Variants in MCC observed in about 807,000 individuals in gnomAD.
The protein encoded by MCC is colorectal mutant cancer protein.
MCC carries 90 observed loss-of-function variants against 116.2 expected under a neutral mutation model. The observed-to-expected ratio is 0.77, with a 90% confidence interval of 0.65 to 0.92. MCC has a LOEUF of 0.92. MCC is among the 40% of genes least tolerant of loss of function. MCC has a pLI of 0.00. For synonymous variants in MCC, 578 were observed against 510.5 expected, an observed-to-expected ratio of 1.13 and a Z score of -1.78; for missense variants, 1,516 against 1,312.2, an observed-to-expected ratio of 1.16 and a Z score of -2.40.
At chr5:113,481,410 AAATT>A (rs1202112891) in intron 1 of MCC, among the ~76,000 whole-genome samples, 1 of 152,208 alleles carries the variant, frequency 6.6e-6, no homozygotes, top group Non-Finnish European at 1.5e-5. Context: ...AACAATAATT[AAATT>A]AATTAAATAA....
At chr5:113,048,950 C>T (rs755955171) in intron 16 of MCC, 143 bp downstream of exon 16, 38 of 736,932 alleles carry the variant, frequency 5.2e-5, no homozygotes, top group South Asian at 2.2e-4. Context: ...ATGTCACCTT[C>T]TTAGATACCT....
chr5:113,075,073 C>T (rs181950063), intron 11 of MCC, among the ~76,000 whole-genome samples: 143 of 152,338 alleles, frequency 9.4e-4, no homozygotes, highest in African/African-American at 3.3e-3. Flanking sequence ...GTGCGTGGCA[C>T]TCGTGGGCCA....
chr5:113,211,594 C>T (rs1198810367), intron 3 of MCC, among the ~76,000 whole-genome samples: 1 of 152,196 alleles, frequency 6.6e-6, no homozygotes, highest in African/African-American at 2.4e-5. Context: ...ATGTAAGGTA[C>T]TGTCAGCATA....
intron 3 of MCC, among the ~76,000 whole-genome samples, chr5:113,319,812 C>T (rs977184272): frequency 1.3e-5 from 2 of 152,170 alleles, no homozygotes; most frequent in Non-Finnish European, 2.9e-5. Flanking sequence ...TATCATTGTA[C>T]AAGCCACAGC....
At chr5:113,383,378 G>A (rs936763122) in intron 2 of MCC, among the ~76,000 whole-genome samples, 1 of 152,158 alleles carries the variant, frequency 6.6e-6, no homozygotes, top group Admixed American at 6.5e-5. Context: ...AATATTTACT[G>A]AGTGTCTATT....
intron 3 of MCC, among the ~76,000 whole-genome samples, chr5:113,251,758 C>T (rs665034): frequency 0.062 from 9,375 of 152,206 alleles, 358 homozygotes; most frequent in Middle Eastern, 0.11. Flanking sequence ...CCCAAACATG[C>T]CTATGGGCTG....
chr5:113,153,735 C>T (rs1760016785), intron 3 of MCC, among the ~76,000 whole-genome samples: 1 of 152,252 alleles, frequency 6.6e-6, no homozygotes, highest in South Asian at 2.1e-4. Flanking sequence ...TAAGAAACAT[C>T]TGGACTTGAT....
intron 3 of MCC, among the ~76,000 whole-genome samples, chr5:113,170,879 C>G (rs973449404): frequency 3.9e-5 from 6 of 152,044 alleles, no homozygotes; most frequent in African/African-American, 1.2e-4. Flanking sequence ...CAAATATTGC[C>G]AGATGGCTGG....
At chr5:113,093,488 T>A (rs1755788911) in intron 8 of MCC, among the ~76,000 whole-genome samples, 1 of 151,908 alleles carries the variant, frequency 6.6e-6, no homozygotes. Flanking sequence ...TCTCTCTCTC[T>A]CTCAATCAAT....
At chr5:113,269,971 C>T (rs566302747) in intron 3 of MCC, among the ~76,000 whole-genome samples, 33 of 152,106 alleles carry the variant, frequency 2.2e-4, no homozygotes, top group Non-Finnish European at 3.8e-4. Context: ...ATACAAGAAG[C>T]TTAACTGTAA....
chr5:113,294,549 C>A, intron 3 of MCC: 1 of 1,398,048 alleles, frequency 7.2e-7, no homozygotes. Context: ...GATGCAGGCA[C>A]TCTTAAAAAG....
At chr5:113,249,056 C>G (rs1342607611) in intron 3 of MCC, among the ~76,000 whole-genome samples, 3 of 152,004 alleles carry the variant, frequency 2.0e-5, no homozygotes, top group Non-Finnish European at 4.4e-5. Context: ...GTTGGTCAGG[C>G]TGGTCTCGAA....
chr5:113,309,398 T>C (rs551602547), intron 3 of MCC, among the ~76,000 whole-genome samples: 1 of 152,140 alleles, frequency 6.6e-6, no homozygotes, highest in Admixed American at 6.5e-5. Context: ...TGCATACCCA[T>C]GCATGCAGCA....
At chr5:113,381,892 G>A (rs1356464835) in intron 2 of MCC, among the ~76,000 whole-genome samples, 1 of 152,182 alleles carries the variant, frequency 6.6e-6, no homozygotes, top group African/African-American at 2.4e-5. Context: ...CTGAGAAAGG[G>A]AAGCTAAAAT....
chr5:113,035,713 A>T (rs1212145290), intron 17 of MCC, among the ~76,000 whole-genome samples: 1 of 152,166 alleles, frequency 6.6e-6, no homozygotes, highest in Non-Finnish European at 1.5e-5. Flanking sequence ...AGAGAGGCCT[A>T]GACTGACCAC....
At chr5:113,056,392 A>G (rs1262262650) in intron 14 of MCC, among the ~76,000 whole-genome samples, 1 of 152,252 alleles carries the variant, frequency 6.6e-6, no homozygotes, top group African/African-American at 2.4e-5. Context: ...CTATGTAGCC[A>G]TAAAAAAAGA....
At chr5:113,373,045 G>A (rs1246166770) in intron 2 of MCC, among the ~76,000 whole-genome samples, 1 of 152,064 alleles carries the variant, frequency 6.6e-6, no homozygotes, top group Non-Finnish European at 1.5e-5. Flanking sequence ...CGGGCATGGT[G>A]GCGAGCACCT....
chr5:113,332,577 A>G (rs1401840850), intron 3 of MCC, among the ~76,000 whole-genome samples: 1 of 151,234 alleles, frequency 6.6e-6, no homozygotes, highest in Non-Finnish European at 1.5e-5. Flanking sequence ...AAAAAAAAAA[A>G]AAAAAAGGAA....
At chr5:113,347,974 A>T (rs1768174480) in intron 2 of MCC, among the ~76,000 whole-genome samples, 1 of 152,152 alleles carries the variant, frequency 6.6e-6, no homozygotes, top group African/African-American at 2.4e-5. Context: ...AAAAGAGACA[A>T]ATAAGCTCAT....
Sources: gnomAD v4.1 joint callset for allele counts (sites outside exome capture counted in the v4.1 genomes callset) on GRCh38, gnomAD v4.1.1 for gene constraint, MANE v1.5 for transcripts, NCBI Gene and HGNC (gene_info 2026-07-23, HGNC 2026-07-21) for gene names.